The following ADCY8 variants were observed in gnomAD, a reference collection of about 807,000 sequenced individuals.
ADCY8 encodes the protein adenylate cyclase type 8.
A neutral mutation model predicts 119.7 loss-of-function variants in ADCY8; 51 were observed. That is an observed-to-expected ratio of 0.43 (90% CI 0.34 to 0.54). ADCY8 has a LOEUF of 0.54. Ranked by LOEUF, ADCY8 falls within the 20% of genes least tolerant of loss-of-function variation. ADCY8 has a pLI of 0.03. For missense variants in ADCY8, 1,383 were observed against 1,598.8 expected, an observed-to-expected ratio of 0.87 and a Z score of 2.30; for synonymous variants, 665 against 651.0, an observed-to-expected ratio of 1.02 and a Z score of -0.33.
chr8:130,880,668 T>A (rs191797036), intron 8 of ADCY8, among the ~76,000 whole-genome samples: 3 of 152,318 alleles, frequency 2.0e-5, no homozygotes. Context: ...GATGATTGGC[T>A]GGGTAGTGAA....
chr8:130,963,774 C>A (rs1392469772), intron 2 of ADCY8, among the ~76,000 whole-genome samples: 1 of 152,116 alleles, frequency 6.6e-6, no homozygotes, highest in East Asian at 1.9e-4. Flanking sequence ...AGGTGAGACC[C>A]TGGGAAGGTT....
chr8:130,806,893 AG>A (rs1475169715), intron 14 of ADCY8, among the ~76,000 whole-genome samples: 15 of 152,138 alleles, frequency 9.9e-5, no homozygotes, highest in Admixed American at 9.8e-4. Flanking sequence ...GGGCACACGG[AG>A]GAGCTCTGGA....
At position 130,884,758 on chromosome 8, in the gene ADCY8, G is replaced by C. The variant is rs753208446; in HGVS notation, c.1915C>G (p.Leu639Val). ...FDNIVGKQNT[L>V]AALTRNSINL... The stretch of plus-strand genomic sequence containing the variant: ...ATTGAATTTCTTGTTAGGGCAGCCA[G>C]AGTCTAGGGGGAAAGCACATGCAAA... Residue 639 changes from leucine to valine, a missense_variant, in exon 8 of 18, where the codon CTG becomes GTG. By Grantham distance (32) the Leu-to-Val change is conservative (BLOSUM62 1). Transcript: ENST00000286355. 3.7e-6 allele frequency: 6 copies of C among 1,613,818 alleles called. No individual in the cohort carries two copies. The highest frequency in any genetic ancestry group is 4.2e-6 in the Non-Finnish European group (5 of 1,179,760).
intron 5 of ADCY8, 146 bp downstream of exon 5, chr8:130,936,927 A>G: frequency 1.1e-6 from 1 of 950,550 alleles, no homozygotes; most frequent in Non-Finnish European, 1.5e-6. Context: ...TTTATATGGG[A>G]GAACTAAGGG....
At chr8:130,876,040 T>C (rs1003992925) in intron 8 of ADCY8, among the ~76,000 whole-genome samples, 3 of 152,126 alleles carry the variant, frequency 2.0e-5, no homozygotes, top group Non-Finnish European at 2.9e-5. Context: ...TTCAGTTTTG[T>C]TTAATATGAA....
intron 12 of ADCY8, among the ~76,000 whole-genome samples, chr8:130,827,990 G>A (rs780498360): frequency 7.9e-5 from 12 of 152,230 alleles, no homozygotes; most frequent in South Asian, 2.1e-4. Context: ...TGTTTGAACC[G>A]GCTTCCTTTC....
chr8:130,995,783 C>T (rs1822754743), intron 1 of ADCY8, among the ~76,000 whole-genome samples: 1 of 152,126 alleles, frequency 6.6e-6, no homozygotes, highest in African/African-American at 2.4e-5. Context: ...TACTTTATTC[C>T]TGCACCCTGT....
intron 2 of ADCY8, among the ~76,000 whole-genome samples, chr8:130,979,742 T>C (rs73348559): frequency 0.031 from 4,772 of 152,292 alleles, 107 homozygotes; most frequent in African/African-American, 0.056. Context: ...ATAGGATTTA[T>C]CTGAGGATTG....
chr8:130,897,625 T>G (rs917463185), intron 7 of ADCY8, among the ~76,000 whole-genome samples: 6 of 149,328 alleles, frequency 4.0e-5, no homozygotes, highest in Admixed American at 2.0e-4. Flanking sequence ...CATTTAAAAT[T>G]TCTAAATAGC....
chr8:130,849,475 G>GGGCT, intron 10 of ADCY8, 127 bp downstream of exon 10: 3 of 942,468 alleles, frequency 3.2e-6, no homozygotes, highest in Non-Finnish European at 4.9e-6. Flanking sequence ...CCTAAGCTTG[G>GGGCT]GGCTGGACCA....
chr8:130,804,892 G>T (rs139198811), intron 14 of ADCY8, among the ~76,000 whole-genome samples: 139 of 152,178 alleles, frequency 9.1e-4, no homozygotes, highest in Middle Eastern at 6.8e-3. Context: ...GGTTACAGGC[G>T]CCTGCCATCA....
At chr8:130,829,561 G>A (rs1350653650) in intron 12 of ADCY8, among the ~76,000 whole-genome samples, 1 of 152,218 alleles carries the variant, frequency 6.6e-6, no homozygotes. Flanking sequence ...TTTAGGACAA[G>A]TCAGAAGGTC....
At chr8:131,000,824 A>T (rs968604558) in intron 1 of ADCY8, among the ~76,000 whole-genome samples, 1 of 152,000 alleles carries the variant, frequency 6.6e-6, no homozygotes, top group Non-Finnish European at 1.5e-5. Context: ...TGGTAAAGGG[A>T]AAAGAGACAA....
chr8:130,846,150 G>A (rs554180578), intron 11 of ADCY8, among the ~76,000 whole-genome samples: 1 of 152,230 alleles, frequency 6.6e-6, no homozygotes, highest in East Asian at 1.9e-4. Flanking sequence ...CCATTCATAT[G>A]TTGGAGGGCC....
At position 131,037,700 on chromosome 8, in the gene ADCY8, G is replaced by T. The variant is rs191594985; in HGVS notation, c.960+1674C>A. On this transcript the variant is annotated intron_variant, in intron 1 of 17. Transcript: ENST00000286355. ...GAGGAAGACAGGGAAGAAAAGATCTGCTAATGTCTATGTATACAACAAAGA... is the reference window on the plus strand; with the variant it reads ...GAGGAAGACAGGGAAGAAAAGATCTTCTAATGTCTATGTATACAACAAAGA... Among the ~76,000 whole-genome samples, 4 of 152,234 alleles carry T rather than the reference G, an allele frequency of 2.6e-5. No homozygotes were observed. In the East Asian group the frequency reaches 7.7e-4, roughly 29 times the overall value.
intron 3 of ADCY8, among the ~76,000 whole-genome samples, chr8:130,944,361 A>T (rs982379876): frequency 6.6e-6 from 1 of 152,204 alleles, no homozygotes; most frequent in Non-Finnish European, 1.5e-5. Flanking sequence ...ACCATATTTG[A>T]TCATTTCTCA....
chr8:130,956,574 C>A (rs578132494), intron 2 of ADCY8, among the ~76,000 whole-genome samples: 1 of 152,334 alleles, frequency 6.6e-6, no homozygotes, highest in East Asian at 1.9e-4. Context: ...TGCTTATATA[C>A]CAGTTGGTAA....
rs144788361 is a variant in ADCY8, at chr8:131,029,131, G to A, written c.960+10243C>T. 4.3e-3 allele frequency among the ~76,000 whole-genome samples: 653 copies of A among 152,316 alleles called. 2 individuals carry two copies. The highest frequency in any genetic ancestry group is 3.9e-3 in the Non-Finnish European group (263 of 68,026). ...GTGGTGGCATTAGATTCTCATAGGA[G>A]TTCAAACCCTATTGTGAACTGCACA... On this transcript the variant is annotated intron_variant, in intron 1 of 17. Transcript: ENST00000286355.
At chr8:130,954,899 T>C (rs533040760) in intron 2 of ADCY8, among the ~76,000 whole-genome samples, 18 of 152,308 alleles carry the variant, frequency 1.2e-4, no homozygotes, top group African/African-American at 4.3e-4. Context: ...GCTAACAGTA[T>C]GCAACAAAGC....
Sources: allele counts gnomAD v4.1 joint callset (sites outside exome capture counted in the v4.1 genomes callset), GRCh38; gene constraint gnomAD v4.1.1; transcripts MANE v1.5; gene names NCBI Gene and HGNC (gene_info 2026-07-23, HGNC 2026-07-21).